PAFAH1B1: variants seen among roughly 807,000 people sequenced by gnomAD.
PAFAH1B1 encodes the protein platelet activating factor acetylhydrolase 1b regulatory subunit 1, also known as platelet-activating factor acetylhydrolase IB subunit beta.
Under a neutral mutation model 57.5 loss-of-function variants are expected in PAFAH1B1, and 2 were observed. The observed-to-expected ratio is 0.03, with a 90% CI of 0.01 to 0.11. The LOEUF (loss-of-function observed/expected upper bound fraction) is 0.11, where lower values mean the gene tolerates loss of function less well. Ranked by LOEUF, PAFAH1B1 falls within the 10% of genes least tolerant of loss-of-function variation. The pLI is 1.00. For synonymous variants in PAFAH1B1, 152 were observed against 169.6 expected, an observed-to-expected ratio of 0.90 and a Z score of 0.81; for missense variants, 257 against 512.0, an observed-to-expected ratio of 0.50 and a Z score of 4.81.
chr17:2,625,654 G>A (rs940889406), intron 1 of PAFAH1B1, among the ~76,000 whole-genome samples: 20 of 152,206 alleles, frequency 1.3e-4, no homozygotes, highest in Admixed American at 9.2e-4. Flanking sequence ...GGCTGGGCAT[G>A]GAGGCTCTTT....
At chr17:2,598,942 T>G (rs2068111886) in intron 1 of PAFAH1B1, among the ~76,000 whole-genome samples, 1 of 152,224 alleles carries the variant, frequency 6.6e-6, no homozygotes, top group African/African-American at 2.4e-5. Context: ...AGAATTTAAT[T>G]GATATTTATG....
intron 1 of PAFAH1B1, among the ~76,000 whole-genome samples, chr17:2,606,349 G>A (rs551199679): frequency 6.6e-6 from 1 of 152,188 alleles, no homozygotes. Flanking sequence ...TGGAAAAAAA[G>A]TGCTTTTTGA....
At chr17:2,636,077 C>T (rs973785409) in intron 1 of PAFAH1B1, among the ~76,000 whole-genome samples, 2 of 152,056 alleles carry the variant, frequency 1.3e-5, no homozygotes, top group Admixed American at 1.3e-4. Context: ...CCACTGTACG[C>T]CAGCCTGGAC....
At chr17:2,660,071 A>G (rs1043362763) in intron 2 of PAFAH1B1, among the ~76,000 whole-genome samples, 6 of 152,074 alleles carry the variant, frequency 3.9e-5, no homozygotes, top group Non-Finnish European at 7.4e-5. Flanking sequence ...TGGTGGTGTC[A>G]TGCTTGATAC....
rs761485838 is a variant in PAFAH1B1, at chr17:2,681,709, A to G, written c.1160-20A>G. On this transcript the variant is annotated intron_variant, in intron 10 of 10. Transcript: ENST00000397195. ...AGGCTTACGTGTGAGTTTTAAATAA[A>G]CCATTTCTTTTTCTTTCAGATTTCC... 7 of 1,599,654 alleles carry G rather than the reference A, an allele frequency of 4.4e-6. No individual in the cohort carries two copies. The East Asian group carries it at 1.1e-4, about 25-fold the overall frequency.
At chr17:2,645,091 A>C (rs1302023317) in intron 2 of PAFAH1B1, among the ~76,000 whole-genome samples, 1 of 152,054 alleles carries the variant, frequency 6.6e-6, no homozygotes, top group Non-Finnish European at 1.5e-5. Flanking sequence ...TACAAAAAAT[A>C]CAAAAATTAG....
chr17:2,629,800 T>C (rs1383402066), intron 1 of PAFAH1B1, among the ~76,000 whole-genome samples: 2 of 152,212 alleles, frequency 1.3e-5, no homozygotes, highest in Non-Finnish European at 2.9e-5. Context: ...ATTGTGGTAT[T>C]TTCCTGTTGG....
At chr17:2,623,261 C>CTTTT (rs376810275) in intron 1 of PAFAH1B1, among the ~76,000 whole-genome samples, 4 of 103,934 alleles carry the variant, frequency 3.8e-5, no homozygotes, top group Admixed American at 1.1e-4. Context: ...TTTTTCCTTT[C>CTTTT]TTTTTTTTTT....
chr17:2,664,389 T>C (rs562757535), intron 2 of PAFAH1B1, among the ~76,000 whole-genome samples: 13 of 150,344 alleles, frequency 8.6e-5, no homozygotes, highest in Middle Eastern at 3.5e-3. Flanking sequence ...ATTACAGGCA[T>C]GTGCCACCAC....
chr17:2,671,864 A>G lies in PAFAH1B1; in HGVS notation c.569-791A>G, dbSNP rs539941901. ...GTGATCCGCCCGCCTCGGCCTCCCA[A>G]AGTGCTGGGATTACAGGCATGAACC... On this transcript the variant is annotated intron_variant, in intron 6 of 10. Transcript: ENST00000397195. Among the ~76,000 whole-genome samples, 4 of 152,166 alleles carry G rather than the reference A, an allele frequency of 2.6e-5. No individual in the cohort carries two copies. The South Asian group carries it at 6.2e-4, about 24-fold the overall frequency.
chr17:2,597,776 C>G (rs2068100307), intron 1 of PAFAH1B1, among the ~76,000 whole-genome samples: 1 of 138,782 alleles, frequency 7.2e-6, no homozygotes, highest in Non-Finnish European at 1.6e-5. Flanking sequence ...AACAGAGAGA[C>G]AGAAAGTGTG....
intron 2 of PAFAH1B1, among the ~76,000 whole-genome samples, chr17:2,655,696 A>G (rs2068927135): frequency 6.6e-6 from 1 of 152,072 alleles, no homozygotes; most frequent in South Asian, 2.1e-4. Context: ...TGTAGTTGCT[A>G]CGTGTGACGA....
chr17:2,646,120 A>G (rs2068765118), intron 2 of PAFAH1B1, among the ~76,000 whole-genome samples: 1 of 152,192 alleles, frequency 6.6e-6, no homozygotes, highest in Non-Finnish European at 1.5e-5. Context: ...ATAAGTCTAA[A>G]GAAAGCAGGA....
intron 1 of PAFAH1B1, among the ~76,000 whole-genome samples, chr17:2,606,528 A>C (rs757704616): frequency 7.2e-5 from 11 of 151,842 alleles, no homozygotes; most frequent in Non-Finnish European, 1.3e-4. Context: ...AAGCCAAGCT[A>C]ATTTTTGTAT....
chr17:2,595,212 A>C (rs1452042907), intron 1 of PAFAH1B1, among the ~76,000 whole-genome samples: 1 of 152,098 alleles, frequency 6.6e-6, no homozygotes, highest in Non-Finnish European at 1.5e-5. Flanking sequence ...TGATATTCCC[A>C]TCTCTCCTTT....
chr17:2,614,107 C>T lies in PAFAH1B1; in HGVS notation c.-191+20101C>T, dbSNP rs112628768. On this transcript the variant is annotated intron_variant, in intron 1 of 10. Coordinates refer to ENST00000397195, the MANE Select transcript of PAFAH1B1 (RefSeq NM_000430.4). ...GTGATGTGATCACAGTTCACTGCTG[C>T]AGCCTCAACCTCCCAGGCTCAAGCT... Among the ~76,000 whole-genome samples the T allele has an allele frequency of 4.6e-4, 63 of 136,482 alleles. 1 individual carries two copies. The highest frequency in any genetic ancestry group is 1.3e-3 in the African/African-American group (45 of 35,530). The allele number at this position is 136,482 out of a possible 152,430, so 89.5% of individuals were successfully genotyped here. A position where few individuals can be genotyped will look rare whatever the true frequency, so the allele number is the denominator to read the frequency against.
chr17:2,636,763 G>A (rs889603038), intron 1 of PAFAH1B1, among the ~76,000 whole-genome samples: 2 of 151,924 alleles, frequency 1.3e-5, no homozygotes, highest in East Asian at 1.9e-4. Context: ...ATTGGGTCTC[G>A]CTTTGTCACC....
At chr17:2,637,629 G>A (rs915782388) in intron 1 of PAFAH1B1, among the ~76,000 whole-genome samples, 3 of 152,084 alleles carry the variant, frequency 2.0e-5, no homozygotes, top group Non-Finnish European at 2.9e-5. Context: ...TATAAATACC[G>A]GCCATTCTAA....
intron 1 of PAFAH1B1, among the ~76,000 whole-genome samples, chr17:2,606,863 A>G (rs1597511766): frequency 8.3e-6 from 1 of 120,664 alleles, no homozygotes; most frequent in South Asian, 2.7e-4. Context: ...TCTGTCGCCC[A>G]GGCTGGGCTG....
Sources: allele counts gnomAD v4.1 joint callset (sites outside exome capture counted in the v4.1 genomes callset), GRCh38; gene constraint gnomAD v4.1.1; transcripts MANE v1.5; gene names NCBI Gene and HGNC (gene_info 2026-07-23, HGNC 2026-07-21).